Variants in KIF13B observed in about 807,000 individuals in gnomAD.
The protein encoded by KIF13B is kinesin-like protein KIF13B.
Under a neutral mutation model 222.0 loss-of-function variants are expected in KIF13B, and 127 were observed. That is an observed-to-expected ratio of 0.57 (90% confidence interval 0.50 to 0.66). The LOEUF is 0.66. Among genes scored for constraint, KIF13B ranks in the 30% least tolerant of loss-of-function variants. The pLI is 0.00. For synonymous variants in KIF13B, 976 were observed against 919.0 expected (o/e 1.06, Z -1.12); for missense variants, 2,173 against 2,379.0 (o/e 0.91, Z 1.80).
chr8:29,172,452 T>A (rs1195487590), intron 10 of KIF13B, among the ~76,000 whole-genome samples: 1 of 152,214 alleles, frequency 6.6e-6, no homozygotes, highest in African/African-American at 2.4e-5. Context: ...TTTTAATACA[T>A]GAAAGTTGCA....
At chr8:29,141,860 G>C (rs1252101890) in intron 19 of KIF13B, among the ~76,000 whole-genome samples, 1 of 152,158 alleles carries the variant, frequency 6.6e-6, no homozygotes, top group Admixed American at 6.5e-5. Flanking sequence ...TCCTAAAGAG[G>C]TTCCCAGAGA....
chr8:29,177,359 T>C, intron 9 of KIF13B, 107 bp downstream of exon 9: 1 of 804,878 alleles, frequency 1.2e-6, no homozygotes, highest in Non-Finnish European at 2.1e-6. Context: ...CCATTGAAAA[T>C]ACCAGAAAAA....
At chr8:29,083,797 T>C (rs1370802612) in intron 37 of KIF13B, among the ~76,000 whole-genome samples, 1 of 152,184 alleles carries the variant, frequency 6.6e-6, no homozygotes, top group Admixed American at 6.6e-5. Context: ...ACACTATATC[T>C]ATAGCTGTTT....
At chr8:29,111,078 A>C (rs1809333190) in intron 32 of KIF13B, among the ~76,000 whole-genome samples, 1 of 152,246 alleles carries the variant, frequency 6.6e-6, no homozygotes, top group South Asian at 2.1e-4. Context: ...GAGGATTTGT[A>C]AGACGGCTTA....
rs752769205 is a variant in KIF13B, at chr8:29,130,660, C to T, written c.2948G>A (p.Ser983Asn). ...AKTRSLRDRW[S>N]EVTRKLEFWV... ...GAATTCCAATTTCCTGGTCACTTCA[C>T]TCCATCTAGGAAATAAGCGAAGTTC... The change falls in exon 24 of 40, where the codon AGT becomes AAT. Residue 983 changes from serine (S) to asparagine (N), a missense_variant. Physicochemically the swap from Ser to Asn is conservative, Grantham distance 46. This residue lies in a region of KIF13B where 1,480 missense variants were observed against 1,722.8 expected (regional missense o/e 0.86). Transcript: ENST00000524189. 3.1e-6 allele frequency: 5 copies of T among 1,613,702 alleles called. No homozygotes were observed. The highest frequency in any genetic ancestry group is 2.2e-5 in the East Asian group (1 of 44,880).
At chr8:29,141,131 T>C (rs1179517582) in intron 19 of KIF13B, among the ~76,000 whole-genome samples, 1 of 151,972 alleles carries the variant, frequency 6.6e-6, no homozygotes, top group Non-Finnish European at 1.5e-5. Flanking sequence ...GTCAAGAGTT[T>C]GAGACCAGCC....
In KIF13B at chr8:29,080,327, C is replaced by CAAAA. The variant is rs5890439; in HGVS notation, c.4459-4988_4459-4985dup. Among the ~76,000 whole-genome samples the CAAAA allele has an allele frequency of 2.2e-3, 147 of 66,650 alleles. 2 individuals are homozygous for CAAAA. Among genetic ancestry groups the CAAAA allele is most frequent in the Middle Eastern group, 0.022 (2 of 90 alleles). The allele number at this position is 66,650 out of a possible 152,430, so 43.7% of individuals were successfully genotyped here. A position where few individuals can be genotyped will look rare whatever the true frequency, so the allele number is the denominator to read the frequency against. On this transcript the variant is annotated intron_variant, in intron 37 of 39. Transcript: ENST00000524189. Reference sequence around the variant, plus strand: ...TGGGTGACAGAGTGAGACCCAGTCTCAAAAAAAAAAAAAAAAAAAAAACCA... The same window carrying CAAAA: ...TGGGTGACAGAGTGAGACCCAGTCTCAAAAAAAAAAAAAAAAAAAAAAAAAACCA...
chr8:29,214,018 A>T (rs922041792), intron 2 of KIF13B, among the ~76,000 whole-genome samples: 1 of 152,220 alleles, frequency 6.6e-6, no homozygotes, highest in African/African-American at 2.4e-5. Flanking sequence ...AAAAGATTTT[A>T]AAAATGGTAC....
intron 2 of KIF13B, among the ~76,000 whole-genome samples, chr8:29,224,500 A>G (rs1814925730): frequency 6.6e-6 from 1 of 152,260 alleles, no homozygotes; most frequent in South Asian, 2.1e-4. Flanking sequence ...AACAATGAGA[A>G]TGTGATACGA....
chr8:29,165,904 T>TTCAATTGCAGATCGAAGTACC (rs1554610883), intron 11 of KIF13B, 132 bp from the exon 12 acceptor site: 1 of 565,860 alleles, frequency 1.8e-6, no homozygotes, highest in African/African-American at 1.9e-5. Flanking sequence ...TGACATCTAC[T>TTCAATTGCAGATCGAAGTACC]TCGATTGTAG....
intron 11 of KIF13B, among the ~76,000 whole-genome samples, chr8:29,166,847 A>AT (rs1450943031): frequency 1.3e-4 from 20 of 152,360 alleles, no homozygotes; most frequent in African/African-American, 4.6e-4. Context: ...AATACACAGA[A>AT]AACAGCTGTA....
At position 29,142,190 on chromosome 8, in the gene KIF13B, A is replaced by T; in HGVS notation, c.2301T>A (p.Tyr767Ter). 6.2e-7 allele frequency: 1 copy of T among 1,613,614 alleles called. No homozygotes were observed. Residue 767 changes from tyrosine (Y) to a stop codon, truncating the protein, a stop_gained, in exon 19 of 40, where the codon TAT becomes TAA. Transcript: ENST00000524189. LOFTEE classifies it high-confidence loss of function. ...DNRLLDMRDL[Y>*]QEWKECEEDN... The stretch of plus-strand genomic sequence containing the variant: ...CTTCTTCACACTCTTTCCACTCCTG[A>T]TAAAGGTCTCTCATATCCAACAGCC...
At chr8:29,222,994 T>C (rs914889407) in intron 2 of KIF13B, among the ~76,000 whole-genome samples, 6 of 152,022 alleles carry the variant, frequency 3.9e-5, no homozygotes, top group Non-Finnish European at 7.4e-5. Flanking sequence ...AGCAGCTTTA[T>C]GATCAAAAAT....
At chr8:29,168,679 A>G (rs1266901799) in intron 10 of KIF13B, among the ~76,000 whole-genome samples, 2 of 152,198 alleles carry the variant, frequency 1.3e-5, no homozygotes, top group Non-Finnish European at 2.9e-5. Context: ...ACAACCATGT[A>G]AGTGAGCAGA....
intron 2 of KIF13B, among the ~76,000 whole-genome samples, chr8:29,207,401 A>G (rs968993492): frequency 5.3e-5 from 8 of 152,134 alleles, no homozygotes; most frequent in African/African-American, 1.9e-4. Context: ...TATCAAAGCT[A>G]TATTGCCCTC....
intron 2 of KIF13B, among the ~76,000 whole-genome samples, chr8:29,243,431 C>A (rs1221958677): frequency 6.6e-6 from 1 of 151,464 alleles, no homozygotes; most frequent in Admixed American, 6.6e-5. Flanking sequence ...CCGACGCAGG[C>A]AGATCACTTG....
chr8:29,135,218 T>C (rs1038476661), intron 21 of KIF13B, among the ~76,000 whole-genome samples: 2 of 152,122 alleles, frequency 1.3e-5, no homozygotes, highest in Non-Finnish European at 2.9e-5. Context: ...TAATTTTTTT[T>C]ATTTTTAGTA....
At chr8:29,098,450 A>G (rs1808639899) in intron 36 of KIF13B, among the ~76,000 whole-genome samples, 1 of 151,430 alleles carries the variant, frequency 6.6e-6, no homozygotes, top group Admixed American at 6.6e-5. Flanking sequence ...TAAAAATGCA[A>G]AAATTAGCCA....
intron 27 of KIF13B, 67 bp from the exon 28 acceptor site, chr8:29,123,559 A>G: frequency 6.3e-7 from 1 of 1,589,616 alleles, no homozygotes. Flanking sequence ...TGTCCTGAGT[A>G]AAGACTGGAT....
Sources: gnomAD v4.1 joint callset for allele counts (sites outside exome capture counted in the v4.1 genomes callset) on GRCh38, gnomAD v4.1.1 for gene constraint, gnomAD v4.1.1 regional missense constraint, MANE v1.5 for transcripts, NCBI Gene and HGNC (gene_info 2026-07-23, HGNC 2026-07-21) for gene names.